The following UBE2U variants were observed in gnomAD, a reference collection of about 807,000 sequenced individuals.
UBE2U encodes the protein ubiquitin-conjugating enzyme E2 U.
Under a neutral mutation model 41.2 loss-of-function variants are expected in UBE2U, and 39 were observed. The observed-to-expected ratio is 0.95, with a 90% CI of 0.73 to 1.24. The LOEUF (loss-of-function observed/expected upper bound fraction) is 1.24. UBE2U is among the 50% of genes most tolerant of loss of function. The pLI is 0.00. For synonymous variants in UBE2U, 107 were observed against 117.8 expected (o/e 0.91, Z 0.60); for missense variants, 336 against 363.1 (o/e 0.93, Z 0.61).
intron 8 of UBE2U, among the ~76,000 whole-genome samples, chr1:64,252,798 G>T (rs1645032472): frequency 1.3e-5 from 2 of 152,136 alleles, no homozygotes; most frequent in African/African-American, 4.8e-5. Flanking sequence ...AGCCCATAAA[G>T]ATGAGAAAAA....
chr1:64,248,254 G>T (rs1028249248), intron 8 of UBE2U, among the ~76,000 whole-genome samples: 4 of 152,020 alleles, frequency 2.6e-5, no homozygotes, highest in African/African-American at 9.7e-5. Context: ...TGTGACCAGA[G>T]AAATACGATA....
intron 3 of UBE2U, among the ~76,000 whole-genome samples, chr1:64,208,922 C>T (rs1322519604): frequency 6.6e-6 from 1 of 151,994 alleles, no homozygotes; most frequent in Non-Finnish European, 1.5e-5. Flanking sequence ...ATACATTGAA[C>T]AATAAAATGT....
At chr1:64,253,799 C>T (rs1211737591) in intron 8 of UBE2U, among the ~76,000 whole-genome samples, 2 of 152,142 alleles carry the variant, frequency 1.3e-5, no homozygotes, top group African/African-American at 4.8e-5. Context: ...TTACCAGCCA[C>T]TACAAAAACA....
In UBE2U at chr1:64,204,360, G is replaced by A. The variant is rs116558430; in HGVS notation, c.66+244G>A. ...TGCAGAGTAATTTATGTGGATCTAG[G>A]CACTGAATATCAGGGTCTGTCATGT... On this transcript the variant is annotated intron_variant, in intron 1 of 9. Coordinates refer to ENST00000371077, the MANE Select transcript of UBE2U (RefSeq NM_001366232.2). Among the ~76,000 whole-genome samples the A allele has an allele frequency of 2.1e-3, 314 of 152,230 alleles. 1 individual carries two copies. The highest frequency in any genetic ancestry group is 7.2e-3 in the African/African-American group (299 of 41,532).
chr1:64,215,023 C>T (rs894552787), intron 5 of UBE2U, 91 bp downstream of exon 5: 27 of 954,434 alleles, frequency 2.8e-5, no homozygotes, highest in African/African-American at 1.3e-4. Context: ...ATCTGAGGTC[C>T]GGAGTTCGAG....
At chr1:64,206,563 G>A (rs1413593669) in intron 2 of UBE2U, among the ~76,000 whole-genome samples, 1 of 151,784 alleles carries the variant, frequency 6.6e-6, no homozygotes, top group Non-Finnish European at 1.5e-5. Context: ...TAGTGGGAAA[G>A]AGACTGAAAA....
intron 8 of UBE2U, among the ~76,000 whole-genome samples, chr1:64,252,039 C>T (rs1051703435): frequency 2.0e-5 from 3 of 152,218 alleles, no homozygotes; most frequent in African/African-American, 7.2e-5. Context: ...TTCTGCAGTT[C>T]TGTTGACTCA....
rs1382972801 is a variant in UBE2U, at chr1:64,204,048, A to ATCAT, written c.-2_2dup. On this transcript the variant is annotated 5_prime_UTR_variant, in exon 1 of 10. Coordinates refer to ENST00000371077, the MANE Select transcript of UBE2U (RefSeq NM_001366232.2). ...ACAAGTGTCAGACCCTCCGCTGCCTATCATGCACGGCAGAGCTTACCTCTT... is the reference window on the plus strand; with the variant it reads ...ACAAGTGTCAGACCCTCCGCTGCCTATCATTCATGCACGGCAGAGCTTACCTCTT... The ATCAT allele has an allele frequency of 2.5e-6, 4 of 1,613,676 alleles. No homozygotes were observed. The highest frequency in any genetic ancestry group is 3.4e-6 in the Non-Finnish European group (4 of 1,179,762).
chr1:64,249,098 C>T (rs545271713), intron 8 of UBE2U, among the ~76,000 whole-genome samples: 10 of 152,158 alleles, frequency 6.6e-5, no homozygotes, highest in African/African-American at 2.4e-4. Context: ...GTCAGCCAGG[C>T]GCGGTGGCTC....
intron 8 of UBE2U, among the ~76,000 whole-genome samples, chr1:64,248,763 T>C (rs1037642169): frequency 6.6e-6 from 1 of 152,172 alleles, no homozygotes; most frequent in Non-Finnish European, 1.5e-5. Flanking sequence ...AGAAAAGGTA[T>C]AAATCAAGTT....
rs370852296 is a variant in UBE2U, at chr1:64,244,284, G to A, written c.677+2551G>A. 1.5e-4 allele frequency: 178 copies of A among 1,187,756 alleles called. 7 individuals are homozygous for A. The South Asian group carries it at 3.1e-3, about 21-fold the overall frequency. 73.6% of individuals were successfully genotyped at this position (1,187,756 alleles called of 1,614,324 possible). A position where few individuals can be genotyped will look rare whatever the true frequency, so the allele number is the denominator to read the frequency against. On this transcript the variant is annotated intron_variant, in intron 8 of 9. Transcript: ENST00000371077. ...CTTGCAAAGTTGTTTTGCATTTGAC[G>A]CTTATTATTTTATATATATGATTTC...
chr1:64,223,103 C>T (rs540234693), intron 6 of UBE2U, among the ~76,000 whole-genome samples: 13 of 152,102 alleles, frequency 8.5e-5, no homozygotes, highest in South Asian at 2.1e-4. Flanking sequence ...TAGTCATCCA[C>T]GTACTTAGAA....
At chr1:64,214,452 G>A (rs1404925800) in intron 4 of UBE2U, among the ~76,000 whole-genome samples, 1 of 152,168 alleles carries the variant, frequency 6.6e-6, no homozygotes, top group African/African-American at 2.4e-5. Flanking sequence ...TTCAAGGGAA[G>A]TGTACTTGAA....
chr1:64,243,378 C>T (rs79099726), intron 8 of UBE2U, among the ~76,000 whole-genome samples: 7,125 of 152,118 alleles, frequency 0.047, 537 homozygotes, highest in African/African-American at 0.16. Context: ...TGGCAAAATT[C>T]AACTTCTCTT....
chr1:64,242,968 A>G (rs1391035631), intron 8 of UBE2U, among the ~76,000 whole-genome samples: 1 of 152,174 alleles, frequency 6.6e-6, no homozygotes, highest in Non-Finnish European at 1.5e-5. Flanking sequence ...TTCATTATGT[A>G]ATGCCAACAT....
intron 8 of UBE2U, among the ~76,000 whole-genome samples, chr1:64,247,064 T>G (rs1644931998): frequency 6.6e-6 from 1 of 150,450 alleles, no homozygotes; most frequent in Non-Finnish European, 1.5e-5. Context: ...TTCTGCTTTG[T>G]GAAATTGCCC....
At chr1:64,204,375 G>A (rs1002954667) in intron 1 of UBE2U, among the ~76,000 whole-genome samples, 3 of 152,048 alleles carry the variant, frequency 2.0e-5, no homozygotes, top group Non-Finnish European at 4.4e-5. Context: ...GAATATCAGG[G>A]TCTGTCATGT....
rs1206814113 is a variant in UBE2U at position 64,267,207 on chromosome 1, A to C, written c.953A>C (p.Ter318SerextTer34). The C allele has an allele frequency of 6.6e-7, 1 of 1,508,990 alleles. No homozygotes were observed. The allele number at this position is 1,508,990 out of a possible 1,614,324, so 93.5% of individuals were successfully genotyped here. The change falls in exon 10 of 10, where the codon TAA becomes TCA. Residue 318 changes from the stop codon to serine (S), a stop_lost. Coordinates refer to ENST00000371077, the MANE Select transcript of UBE2U (RefSeq NM_001366232.2). Reference protein sequence around the residue: ...NTLNTNTSED* With the variant: ...NTLNTNTSEDS Reference sequence around the variant, plus strand: ...CTCAATACAAATACTTCAGAAGATTAAGCAGAACATTATCAGATTCAAAAA... The same window carrying C: ...CTCAATACAAATACTTCAGAAGATTCAGCAGAACATTATCAGATTCAAAAA...
intron 5 of UBE2U, among the ~76,000 whole-genome samples, chr1:64,216,046 A>G (rs903794): frequency 0.17 from 25,342 of 152,130 alleles, 2,726 homozygotes; most frequent in Non-Finnish European, 0.24. Flanking sequence ...TCAGATTTAC[A>G]TTGCTTCTTT....
Sources: gnomAD v4.1 joint callset for allele counts (sites outside exome capture counted in the v4.1 genomes callset) on GRCh38, gnomAD v4.1.1 for gene constraint, MANE v1.5 for transcripts, NCBI Gene and HGNC (gene_info 2026-07-23, HGNC 2026-07-21) for gene names.